AKAP19: variants seen among roughly 807,000 people sequenced by gnomAD.
AKAP19 encodes A-kinase anchoring protein 19, also known as small A-kinase anchoring protein.
the AKAP19 span, among the ~76,000 whole-genome samples, chr2:190,081,934 A>T: frequency 4.6e-5 from 7 of 152,138 alleles, no homozygotes; most frequent in Admixed American, 3.3e-4. Flanking sequence ...CCATGATGGG[A>T]TGGGCTTTCT....
At chr2:190,187,736 C>T in the AKAP19 span, among the ~76,000 whole-genome samples, 2 of 152,106 alleles carry the variant, frequency 1.3e-5, no homozygotes, top group Non-Finnish European at 2.9e-5. Flanking sequence ...TGCCTATAGT[C>T]GCAGGTACTC....
At chr2:190,179,500 TC>T in the AKAP19 span, among the ~76,000 whole-genome samples, 1 of 152,136 alleles carries the variant, frequency 6.6e-6, no homozygotes, top group South Asian at 2.1e-4. The surrounding 1 kb of genome is among the most constrained non-coding windows in gnomAD (Gnocchi z 6.0). Flanking sequence ...CCAACTCCAA[TC>T]CCATTAATCA....
the AKAP19 span, among the ~76,000 whole-genome samples, chr2:190,110,303 G>A: frequency 6.6e-6 from 1 of 152,160 alleles, no homozygotes; most frequent in South Asian, 2.1e-4. Context: ...ATCACAGTAT[G>A]AGATGGTGAA....
chr2:190,183,229 A>G, the AKAP19 span, among the ~76,000 whole-genome samples: 1 of 152,218 alleles, frequency 6.6e-6, no homozygotes, highest in Non-Finnish European at 1.5e-5. Context: ...GGTGGTTGTT[A>G]AAATTCAAAG....
the AKAP19 span, among the ~76,000 whole-genome samples, chr2:189,984,533 C>T: frequency 6.6e-6 from 1 of 152,088 alleles, no homozygotes; most frequent in African/African-American, 2.4e-5. Flanking sequence ...ACATGCTGTA[C>T]AATTTGTGCA....
At chr2:189,930,943 C>T in the AKAP19 span, 2 of 749,494 alleles carry the variant, frequency 2.7e-6, no homozygotes, top group African/African-American at 1.8e-5. Context: ...AAAGCTAGCC[C>T]AGTCGGACTG....
chr2:190,144,248 GAA>G, the AKAP19 span, among the ~76,000 whole-genome samples: 144 of 140,998 alleles, frequency 1.0e-3, 1 homozygote, highest in African/African-American at 3.3e-3. Context: ...GGCTCTAACA[GAA>G]AAAAAAAAAA....
the AKAP19 span, among the ~76,000 whole-genome samples, chr2:190,108,435 C>T: frequency 9.9e-5 from 15 of 152,200 alleles, no homozygotes; most frequent in Admixed American, 8.5e-4. Context: ...GGATTACAGG[C>T]GTCAGCCACT....
At chr2:189,951,498 C>T in the AKAP19 span, among the ~76,000 whole-genome samples, 1 of 152,148 alleles carries the variant, frequency 6.6e-6, no homozygotes, top group Non-Finnish European at 1.5e-5. Flanking sequence ...CCACTGCGCC[C>T]AGCTGAATCT....
chr2:190,134,838 T>C, the AKAP19 span, among the ~76,000 whole-genome samples: 1 of 152,198 alleles, frequency 6.6e-6, no homozygotes, highest in Admixed American at 6.6e-5. Flanking sequence ...TTGCTTACAG[T>C]TGTTTATAAA....
chr2:190,014,012 G>A, the AKAP19 span, among the ~76,000 whole-genome samples: 8 of 152,028 alleles, frequency 5.3e-5, no homozygotes, highest in South Asian at 6.2e-4. Flanking sequence ...AAGGCATAAC[G>A]TTAGGTTGTT....
chr2:189,990,642 G>A, the AKAP19 span, among the ~76,000 whole-genome samples: 1 of 152,100 alleles, frequency 6.6e-6, no homozygotes, highest in Non-Finnish European at 1.5e-5. Flanking sequence ...AAGTGGAGAA[G>A]GGTTATTTCT....
chr2:189,972,852 AAG>A, the AKAP19 span, among the ~76,000 whole-genome samples: 1 of 152,170 alleles, frequency 6.6e-6, no homozygotes, highest in Non-Finnish European at 1.5e-5. Flanking sequence ...GACCTTGCTA[AAG>A]TTGCTTATCA....
At chr2:190,046,748 G>A in the AKAP19 span, among the ~76,000 whole-genome samples, 1 of 152,126 alleles carries the variant, frequency 6.6e-6, no homozygotes, top group Non-Finnish European at 1.5e-5. Context: ...TCTCATTTAT[G>A]CTTATCACTA....
At chr2:190,191,136 A>AT in the AKAP19 span, among the ~76,000 whole-genome samples, 4 of 151,870 alleles carry the variant, frequency 2.6e-5, no homozygotes, top group Admixed American at 6.6e-5. Context: ...TTTGCATACA[A>AT]TTTTTTTTCT....
chr2:190,080,396 A>G, the AKAP19 span, among the ~76,000 whole-genome samples: 1 of 152,226 alleles, frequency 6.6e-6, no homozygotes, highest in Middle Eastern at 3.2e-3. Context: ...CTGAAGATTG[A>G]GCAAAGAGCT....
At chr2:189,949,631 CTTTTTT>C in the AKAP19 span, among the ~76,000 whole-genome samples, 40 of 117,776 alleles carry the variant, frequency 3.4e-4, no homozygotes, top group Admixed American at 9.5e-4. Flanking sequence ...CTTTTTCTTT[CTTTTTT>C]TTTTTTTTTT....
At chr2:189,938,064 G>A in the AKAP19 span, among the ~76,000 whole-genome samples, 6 of 152,002 alleles carry the variant, frequency 3.9e-5, no homozygotes, top group South Asian at 2.1e-4. Flanking sequence ...GGCCAGGTGC[G>A]GTGGCTCATG....
chr2:190,141,676 G>T, the AKAP19 span, among the ~76,000 whole-genome samples: 1 of 152,304 alleles, frequency 6.6e-6, no homozygotes, highest in African/African-American at 2.4e-5. Context: ...GACATGTAGG[G>T]ATTATGGGAA....
Sources: gnomAD v4.1 joint callset for allele counts (sites outside exome capture counted in the v4.1 genomes callset) on GRCh38, gnomAD v4.1.1 for gene constraint, Gnocchi (gnomAD v3.1) non-coding constraint, MANE v1.5 for transcripts, NCBI Gene and HGNC (gene_info 2026-07-23, HGNC 2026-07-21) for gene names.